The following ZBTB7C variants were observed in gnomAD, a reference collection of about 807,000 sequenced individuals.
ZBTB7C encodes zinc finger and BTB domain-containing protein 7C.
A neutral mutation model predicts 25.7 loss-of-function variants in ZBTB7C; 8 were observed. That is an observed-to-expected ratio of 0.31 (90% confidence interval 0.18 to 0.56). The LOEUF is 0.56. Ranked by LOEUF, ZBTB7C falls within the 20% of genes least tolerant of loss-of-function variation. The pLI is 0.91. For missense variants in ZBTB7C, 824 were observed against 855.2 expected (o/e 0.96, Z 0.46); for synonymous variants, 394 against 369.0 (o/e 1.07, Z -0.78).
At chr18:48,275,832 C>T (rs2044631799) in intron 2 of ZBTB7C, among the ~76,000 whole-genome samples, 1 of 152,180 alleles carries the variant, frequency 6.6e-6, no homozygotes, top group Non-Finnish European at 1.5e-5. Flanking sequence ...AAAACAGAAG[C>T]TCTTTAAATT....
Position 48,110,883 on chromosome 18 carries a change from C to G in ZBTB7C, c.-16-69760G>C, listed in dbSNP as rs145713088. On this transcript the variant is annotated intron_variant, in intron 3 of 4. Transcript: ENST00000590800. Reference sequence around the variant, plus strand: ...AGGGCATAGTCTAGCTATGAGCAACCTGAAGGGGCTCTCAGGTGGAAGAGA... The same window carrying G: ...AGGGCATAGTCTAGCTATGAGCAACGTGAAGGGGCTCTCAGGTGGAAGAGA... 3.3e-5 allele frequency among the ~76,000 whole-genome samples: 5 copies of G among 152,292 alleles called. No homozygotes were observed. In the East Asian group the frequency reaches 9.7e-4, roughly 29 times the overall value.
chr18:48,063,306 C>A (rs914445734), intron 3 of ZBTB7C, among the ~76,000 whole-genome samples: 1 of 152,186 alleles, frequency 6.6e-6, no homozygotes, highest in African/African-American at 2.4e-5. Flanking sequence ...AGGGGCTTTT[C>A]CCCCCCAGCT....
chr18:48,225,398 A>T (rs891891196), intron 2 of ZBTB7C, among the ~76,000 whole-genome samples: 1 of 152,114 alleles, frequency 6.6e-6, no homozygotes, highest in African/African-American at 2.4e-5. Flanking sequence ...GGAGAGGAAG[A>T]GAATGAACAA....
At chr18:48,264,725 G>T (rs546096810) in intron 2 of ZBTB7C, among the ~76,000 whole-genome samples, 3 of 152,280 alleles carry the variant, frequency 2.0e-5, no homozygotes, top group Admixed American at 2.0e-4. Flanking sequence ...CATGGGGAAT[G>T]GTGACTAACT....
chr18:48,390,289 A>G (rs938676104), intron 1 of ZBTB7C, among the ~76,000 whole-genome samples: 3 of 152,014 alleles, frequency 2.0e-5, no homozygotes, highest in African/African-American at 7.3e-5. Flanking sequence ...ATGGAATCAT[A>G]CCCCCAAAAG....
At position 48,040,124 on chromosome 18, in the gene ZBTB7C, C is replaced by T. The variant is rs751718922; in HGVS notation, c.984G>A (p.Glu328=). 6.3e-7 allele frequency: 1 copy of T among 1,595,908 alleles called. No homozygotes were observed. Among genetic ancestry groups the T allele is most frequent in the Non-Finnish European group, 8.5e-7 (1 of 1,170,978 alleles). ...AGTTGAGATAGGCACCGTAGTCGTT[C>T]TCCGCCTTGATGGGTCCCAGAGGCC... ...PGGPLGPIKA[E]NDYGAYLNFL... The change falls in exon 4 of 5, where the codon GAG becomes GAA. Residue 328 remains glutamate, a synonymous_variant. Coordinates refer to ENST00000590800, the MANE Select transcript of ZBTB7C (RefSeq NM_001318841.2).
chr18:48,367,202 T>TACACAC (rs1180190109), intron 1 of ZBTB7C, among the ~76,000 whole-genome samples: 8 of 63,340 alleles, frequency 1.3e-4, no homozygotes, highest in African/African-American at 1.8e-4. Flanking sequence ...TATATATATA[T>TACACAC]ACACACACAC....
intron 3 of ZBTB7C, among the ~76,000 whole-genome samples, chr18:48,043,001 C>T (rs1367326759): frequency 6.6e-6 from 1 of 152,146 alleles, no homozygotes; most frequent in Non-Finnish European, 1.5e-5. Context: ...TATCATGAGC[C>T]ATTAGGGAAA....
chr18:48,404,480 G>A (rs2048233605), intron 1 of ZBTB7C, among the ~76,000 whole-genome samples: 1 of 152,210 alleles, frequency 6.6e-6, no homozygotes, highest in Non-Finnish European at 1.5e-5. Context: ...GTTACACAAG[G>A]GAGTGGCCTG....
chr18:48,257,152 T>C (rs996997591), intron 2 of ZBTB7C, among the ~76,000 whole-genome samples: 1 of 151,968 alleles, frequency 6.6e-6, no homozygotes, highest in East Asian at 1.9e-4. Context: ...GGATCAAAAA[T>C]ATATACCAAG....
At chr18:48,173,723 C>T (rs541669244) in intron 3 of ZBTB7C, among the ~76,000 whole-genome samples, 38 of 152,350 alleles carry the variant, frequency 2.5e-4, no homozygotes, top group African/African-American at 8.9e-4. Context: ...CCTCACTTGC[C>T]TCATCCTTGT....
At chr18:48,393,240 T>TCCCACCTCCCCACC (rs2047944519) in intron 1 of ZBTB7C, among the ~76,000 whole-genome samples, 1 of 26,100 alleles carries the variant, frequency 3.8e-5, no homozygotes, top group Non-Finnish European at 7.8e-5. Context: ...ATATCCCCAC[T>TCCCACCTCCCCACC]CCCACCTCCC....
At chr18:48,088,697 G>A (rs2038289222) in intron 3 of ZBTB7C, among the ~76,000 whole-genome samples, 1 of 152,006 alleles carries the variant, frequency 6.6e-6, no homozygotes, top group African/African-American at 2.4e-5. Flanking sequence ...GGGTGTGGTG[G>A]TGCATACCTG....
chr18:48,161,701 GCCCGGCCCGGGCGC>G (rs1181972754), intron 3 of ZBTB7C, among the ~76,000 whole-genome samples: 4 of 137,828 alleles, frequency 2.9e-5, no homozygotes, highest in Admixed American at 1.4e-4. Flanking sequence ...GCCCGGCCCG[GCCCGGCCCGGGCGC>G]CCCGCCCCAG....
At chr18:48,160,696 C>T (rs578074685) in intron 3 of ZBTB7C, among the ~76,000 whole-genome samples, 5 of 152,288 alleles carry the variant, frequency 3.3e-5, no homozygotes, top group African/African-American at 1.2e-4. Flanking sequence ...TCCCCCTTGC[C>T]ATAGTAAGGG....
chr18:48,382,933 A>G (rs2047665116), intron 1 of ZBTB7C, among the ~76,000 whole-genome samples: 1 of 152,216 alleles, frequency 6.6e-6, no homozygotes, highest in Non-Finnish European at 1.5e-5. Flanking sequence ...GAAAAGTGTA[A>G]AAGTGACAGG....
chr18:48,189,829 A>T (rs528229056), intron 2 of ZBTB7C, among the ~76,000 whole-genome samples: 1 of 152,284 alleles, frequency 6.6e-6, no homozygotes, highest in African/African-American at 2.4e-5. Flanking sequence ...ATCTCCAAAA[A>T]TGGCTGGAAA....
chr18:48,186,922 A>G (rs955740523), intron 2 of ZBTB7C, among the ~76,000 whole-genome samples: 1 of 152,226 alleles, frequency 6.6e-6, no homozygotes, highest in South Asian at 2.1e-4. Context: ...GCGAGGGACA[A>G]ATTCGACATG....
chr18:48,075,737 G>A (rs997921690), intron 3 of ZBTB7C, among the ~76,000 whole-genome samples: 10 of 152,142 alleles, frequency 6.6e-5, no homozygotes, highest in Non-Finnish European at 8.8e-5. Context: ...ACAGGTCAGC[G>A]TCATCCTCCC....
Sources: allele counts gnomAD v4.1 joint callset (sites outside exome capture counted in the v4.1 genomes callset), GRCh38; gene constraint gnomAD v4.1.1; transcripts MANE v1.5; gene names NCBI Gene and HGNC (gene_info 2026-07-23, HGNC 2026-07-21).